Variants in XG observed in about 807,000 individuals in gnomAD.
XG encodes glycoprotein Xg.
In XG, 24 loss-of-function variants were observed where a neutral mutation model predicts 25.7. The ratio of observed to expected loss-of-function variants is 0.93; its 90% CI spans 0.68 to 1.31. The LOEUF (loss-of-function observed/expected upper bound fraction) is 1.31. Among genes scored for constraint, XG ranks in the 40% most tolerant of loss-of-function variants. XG has a pLI of 0.00. For synonymous variants in XG, 77 were observed against 69.2 expected, an observed-to-expected ratio of 1.11 and a Z score of -0.56; for missense variants, 181 against 187.6, an observed-to-expected ratio of 0.96 and a Z score of 0.21.
At chrX:2,793,851 C>A (rs1366507065) in intron 5 of XG, among the ~76,000 whole-genome samples, 1 of 111,551 alleles carries the variant, frequency 9.0e-6, no homozygotes, top group African/African-American at 3.3e-5. Context: ...GGGTTAGGAG[C>A]ATGCCTATGG....
At chrX:2,776,014 G>A (rs2050978979) in intron 3 of XG, among the ~76,000 whole-genome samples, 1 of 152,048 alleles carries the variant, frequency 6.6e-6, no homozygotes, top group South Asian at 2.1e-4. Context: ...CCGGGGCCGG[G>A]CGCAGTGGCT....
At chrX:2,759,739 C>A (rs1485063159) in intron 1 of XG, among the ~76,000 whole-genome samples, 1 of 152,208 alleles carries the variant, frequency 6.6e-6, no homozygotes, top group East Asian at 1.9e-4. Context: ...CTCATTCCAG[C>A]CATTTTCCTC....
chrX:2,779,169 A>C lies in XG; in HGVS notation c.128-2897A>C, dbSNP rs777093150. On this transcript the variant is annotated intron_variant, in intron 3 of 10. Coordinates refer to ENST00000644266, the MANE Select transcript of XG (RefSeq NM_001141919.2). ...GGAAATGTCTTATAACCTCAGAGTT[A>C]GGAGGTTTTTCTTAGATACAATACA... Among the ~76,000 whole-genome samples the C allele has an allele frequency of 2.0e-5, 3 of 151,970 alleles. No homozygotes were observed. In the South Asian group the frequency reaches 6.2e-4, roughly 32 times the overall value.
At chrX:2,768,245 T>G (rs1248819692) in intron 1 of XG, among the ~76,000 whole-genome samples, 4 of 152,084 alleles carry the variant, frequency 2.6e-5, no homozygotes, top group African/African-American at 4.8e-5. Context: ...ATTGCTGGGA[T>G]GGGCGGAGAC....
Position 2,785,130 on chromosome X carries a change from G to C in XG, c.190+3002G>C, listed in dbSNP as rs181752870. 6.2e-5 allele frequency among the ~76,000 whole-genome samples: 7 copies of C among 112,175 alleles called. No homozygotes were observed. In the East Asian group the frequency reaches 2.0e-3, roughly 31 times the overall value. ...GGGCTTCCAGGTCACAGGAAGATAC[G>C]AGACAACTAGTTGCATTCTTCTAAG... On this transcript the variant is annotated intron_variant, in intron 4 of 10. Transcript: ENST00000644266.
At chrX:2,786,315 A>C (rs1487606626) in intron 4 of XG, among the ~76,000 whole-genome samples, 1 of 89,153 alleles carries the variant, frequency 1.1e-5, no homozygotes, top group Non-Finnish European at 2.1e-5. Flanking sequence ...GCTGGAGTGC[A>C]ATGGCACGAT....
chrX:2,803,877 C>T (rs2086968167), intron 7 of XG, among the ~76,000 whole-genome samples: 1 of 111,287 alleles, frequency 9.0e-6, no homozygotes, highest in Non-Finnish European at 1.9e-5. Flanking sequence ...GAGTATCACT[C>T]TGTTGCCCAG....
intron 3 of XG, among the ~76,000 whole-genome samples, chrX:2,781,255 T>C (rs2051114113): frequency 6.6e-6 from 1 of 150,608 alleles, no homozygotes; most frequent in Admixed American, 6.7e-5. Flanking sequence ...CAGGACCCAT[T>C]TAGGATTAAA....
intron 1 of XG, chrX:2,753,110 G>A (rs1419348495): frequency 5.9e-6 from 2 of 336,386 alleles, no homozygotes; most frequent in Non-Finnish European, 8.4e-6. Flanking sequence ...TCATTCAGAT[G>A]TCCCTGTGGC....
Position 2,760,884 on chromosome X carries a change from A to C in XG, c.61+8549A>C, listed in dbSNP as rs2050550932. Among the ~76,000 whole-genome samples the C allele has an allele frequency of 2.6e-5, 4 of 152,018 alleles. No homozygotes were observed. In the South Asian group the frequency reaches 8.3e-4, roughly 32 times the overall value. On this transcript the variant is annotated intron_variant, in intron 1 of 10. Coordinates refer to ENST00000644266, the MANE Select transcript of XG (RefSeq NM_001141919.2). ...ACGATCCTGTGAGGACTTAGGGAAA[A>C]GATGGCATCCACAAGCCAAGGAGAG...
chrX:2,778,846 T>C (rs1259479057), intron 3 of XG, among the ~76,000 whole-genome samples: 1 of 151,058 alleles, frequency 6.6e-6, no homozygotes. Flanking sequence ...TGATCTCACC[T>C]CCCCGCAAAC....
intron 6 of XG, among the ~76,000 whole-genome samples, chrX:2,796,166 CTT>C (rs1319035453): frequency 9.5e-6 from 1 of 105,059 alleles, no homozygotes; most frequent in Non-Finnish European, 1.9e-5. Context: ...TATATATACA[CTT>C]TTATATATGC....
chrX:2,769,634 G>A (rs1428491248), intron 1 of XG, among the ~76,000 whole-genome samples: 1 of 151,684 alleles, frequency 6.6e-6, no homozygotes, highest in African/African-American at 2.4e-5. Context: ...ACAAGATCAA[G>A]GTGTGCATAT....
intron 1 of XG, among the ~76,000 whole-genome samples, chrX:2,762,694 G>A (rs1194150561): frequency 6.6e-6 from 1 of 152,202 alleles, no homozygotes; most frequent in Non-Finnish European, 1.5e-5. Flanking sequence ...TCCCCATTGG[G>A]GCAGCAGCCT....
At chrX:2,772,229 G>T (rs758975314) in intron 2 of XG, among the ~76,000 whole-genome samples, 11 of 152,294 alleles carry the variant, frequency 7.2e-5, no homozygotes, top group Admixed American at 2.6e-4. Flanking sequence ...ATACCCAAGA[G>T]AATTGGGAGC....
intron 1 of XG, among the ~76,000 whole-genome samples, chrX:2,768,484 G>C (rs1274734945): frequency 3.3e-5 from 5 of 152,140 alleles, no homozygotes; most frequent in Non-Finnish European, 4.4e-5. Flanking sequence ...AGCGCTGGAG[G>C]AGGCCAGGTG....
At chrX:2,772,795 C>G (rs1388913942) in intron 2 of XG, among the ~76,000 whole-genome samples, 2 of 152,196 alleles carry the variant, frequency 1.3e-5, no homozygotes, top group Non-Finnish European at 2.9e-5. Flanking sequence ...ACCTAGAAGG[C>G]TGCCAGTGCC....
At chrX:2,788,819 C>T (rs2086809220) in intron 4 of XG, among the ~76,000 whole-genome samples, 1 of 106,207 alleles carries the variant, frequency 9.4e-6, no homozygotes, top group African/African-American at 3.4e-5. Context: ...CACACCACTG[C>T]ACTCCAGCCT....
chrX:2,774,847 T>C (rs1260201906), intron 3 of XG, 108 bp downstream of exon 3: 2 of 1,382,650 alleles, frequency 1.4e-6, no homozygotes, highest in Non-Finnish European at 2.1e-6. Flanking sequence ...ATGAAAGAGA[T>C]GCAACAACTG....
Sources: allele counts gnomAD v4.1 joint callset (sites outside exome capture counted in the v4.1 genomes callset), GRCh38; gene constraint gnomAD v4.1.1; transcripts MANE v1.5; gene names NCBI Gene and HGNC (gene_info 2026-07-23, HGNC 2026-07-21).